Variants in GNG7 observed in about 807,000 individuals in gnomAD.
GNG7 encodes the protein guanine nucleotide-binding protein G(I)/G(S)/G(O) subunit gamma-7.
In GNG7, 1 loss-of-function variant was observed where a neutral mutation model predicts 4.0. The observed-to-expected ratio is 0.25, with a 90% CI of 0.09 to 1.18. The LOEUF (loss-of-function observed/expected upper bound fraction) is 1.18, where lower values mean the gene tolerates loss of function less well. Ranked by LOEUF, GNG7 falls within the 50% of genes most tolerant of loss-of-function variation. GNG7 has a pLI of 0.50. For missense variants in GNG7, 86 were observed against 91.9 expected, an observed-to-expected ratio of 0.94 and a Z score of 0.26; for synonymous variants, 34 against 36.9, an observed-to-expected ratio of 0.92 and a Z score of 0.29.
intron 1 of GNG7, among the ~76,000 whole-genome samples, chr19:2,657,361 A>AAAAAAAAAATAT (rs1555701153): frequency 6.1e-5 from 1 of 16,336 alleles, no homozygotes; most frequent in African/African-American, 2.9e-4. Flanking sequence ...AAAAAAAAAA[A>AAAAAAAAAATAT]ATATATATAT....
intron 1 of GNG7, among the ~76,000 whole-genome samples, chr19:2,684,329 G>T (rs1041465031): frequency 6.6e-6 from 1 of 151,610 alleles, no homozygotes; most frequent in Non-Finnish European, 1.5e-5. Flanking sequence ...TAGAGACGGG[G>T]TTTCACCATG....
In GNG7 at chr19:2,515,133, C is replaced by T. The variant is rs776467260; in HGVS notation, c.96G>A (p.Ala32=). The T allele has an allele frequency of 8.7e-6, 14 of 1,613,782 alleles. No homozygotes were observed. Among genetic ancestry groups the T allele is most frequent in the African/African-American group, 8.0e-5 (6 of 74,878 alleles). ...GCTCACAGTAGCTCATGAGGTCAGA[C>T]GCCGCTTTGGAGACCTGTGTTTGAG... ...GIERIKVSKA[A]SDLMSYCEQH... is the part of the protein sequence containing the mutation. The change falls in exon 5 of 5, where the codon GCG becomes GCA. Residue 32 remains alanine (A), a synonymous_variant. Coordinates refer to ENST00000382159, the MANE Select transcript of GNG7 (RefSeq NM_052847.3).
At chr19:2,537,982 T>G (rs1978799887) in intron 3 of GNG7, 3 of 369,750 alleles carry the variant, frequency 8.1e-6, no homozygotes, top group East Asian at 7.5e-5. Flanking sequence ...GAGGCTGAGG[T>G]GGGAGAATTG....
intron 2 of GNG7, among the ~76,000 whole-genome samples, chr19:2,588,717 C>A (rs529739609): frequency 6.6e-6 from 1 of 152,204 alleles, no homozygotes; most frequent in Non-Finnish European, 1.5e-5. Flanking sequence ...CCAGGGTTGT[C>A]CTGGTTGGAG....
At chr19:2,649,520 G>C (rs1202477405) in intron 1 of GNG7, among the ~76,000 whole-genome samples, 2 of 150,490 alleles carry the variant, frequency 1.3e-5, no homozygotes, top group Admixed American at 1.3e-4. Flanking sequence ...CTCCTGAGTA[G>C]CTGGGATTAC....
intron 2 of GNG7, among the ~76,000 whole-genome samples, chr19:2,556,583 C>A (rs544351317): frequency 2.0e-5 from 3 of 152,182 alleles, no homozygotes; most frequent in Admixed American, 6.5e-5. Flanking sequence ...ACGACACTTT[C>A]TCAGCAGCCC....
At chr19:2,659,779 G>A in intron 1 of GNG7, among the ~76,000 whole-genome samples, 1 of 135,524 alleles carries the variant, frequency 7.4e-6, no homozygotes, top group South Asian at 2.9e-4. Flanking sequence ...AGGGAGGGAG[G>A]GAGGGATGAG....
intron 2 of GNG7, among the ~76,000 whole-genome samples, chr19:2,587,834 C>G (rs950158874): frequency 1.4e-5 from 2 of 146,996 alleles, no homozygotes; most frequent in Non-Finnish European, 3.0e-5. Flanking sequence ...CAGCAAGACT[C>G]TCATCTCAAG....
chr19:2,659,627 A>C (rs1419349184), intron 1 of GNG7, among the ~76,000 whole-genome samples: 6 of 125,734 alleles, frequency 4.8e-5, no homozygotes, highest in Non-Finnish European at 8.4e-5. Flanking sequence ...GAGGGGAGGG[A>C]AAGAGGGAGG....
chr19:2,629,940 G>T (rs1162635411), intron 2 of GNG7, among the ~76,000 whole-genome samples: 1 of 152,062 alleles, frequency 6.6e-6, no homozygotes, highest in Non-Finnish European at 1.5e-5. Context: ...GGGGGAAACT[G>T]TGAAGATACA....
chr19:2,552,921 T>C (rs1157152966), intron 3 of GNG7, among the ~76,000 whole-genome samples: 1 of 127,518 alleles, frequency 7.8e-6, no homozygotes, highest in Admixed American at 8.3e-5. Flanking sequence ...GCCAAAAAGG[T>C]TGAGGACTGC....
intron 2 of GNG7, among the ~76,000 whole-genome samples, chr19:2,602,973 TCTC>T (rs1981259439): frequency 6.7e-6 from 1 of 149,694 alleles, no homozygotes; most frequent in African/African-American, 2.5e-5. Flanking sequence ...TTTCTTTCTT[TCTC>T]TCTCTCTTTC....
chr19:2,539,230 A>C, intron 3 of GNG7, among the ~76,000 whole-genome samples: 1 of 152,090 alleles, frequency 6.6e-6, no homozygotes, highest in East Asian at 1.9e-4. Context: ...CTTGCATAGT[A>C]ATCAGAATTG....
At chr19:2,663,838 T>C (rs1436716588) in intron 1 of GNG7, among the ~76,000 whole-genome samples, 2 of 152,190 alleles carry the variant, frequency 1.3e-5, no homozygotes, top group Non-Finnish European at 2.9e-5. Context: ...GGCTTGATCT[T>C]GACACTATTA....
intron 2 of GNG7, among the ~76,000 whole-genome samples, chr19:2,622,398 G>A (rs1297245285): frequency 2.0e-5 from 3 of 152,234 alleles, no homozygotes; most frequent in African/African-American, 7.2e-5. Context: ...TTTTAAGCTT[G>A]CAAAGGGTGC....
chr19:2,639,650 A>G (rs1982431106), intron 2 of GNG7, among the ~76,000 whole-genome samples: 1 of 130,858 alleles, frequency 7.6e-6, no homozygotes, highest in Admixed American at 8.2e-5. Context: ...AACCTCAACC[A>G]TCCAAGGGGA....
At chr19:2,671,755 C>T (rs1409943595) in intron 1 of GNG7, among the ~76,000 whole-genome samples, 2 of 152,078 alleles carry the variant, frequency 1.3e-5, no homozygotes. Flanking sequence ...TGTAAAATCT[C>T]CTGATTTTTA....
At chr19:2,596,514 A>G (rs1052037413) in intron 2 of GNG7, among the ~76,000 whole-genome samples, 2 of 152,046 alleles carry the variant, frequency 1.3e-5, no homozygotes, top group Non-Finnish European at 2.9e-5. Context: ...TAAAATTAAA[A>G]AAAAATTAAG....
At chr19:2,569,134 C>T (rs549338729) in intron 2 of GNG7, among the ~76,000 whole-genome samples, 37 of 152,106 alleles carry the variant, frequency 2.4e-4, no homozygotes, top group African/African-American at 7.2e-4. Flanking sequence ...CACAGGTGCG[C>T]GCACACACAC....
Sources: allele counts gnomAD v4.1 joint callset (sites outside exome capture counted in the v4.1 genomes callset), GRCh38; gene constraint gnomAD v4.1.1; transcripts MANE v1.5; gene names NCBI Gene and HGNC (gene_info 2026-07-23, HGNC 2026-07-21).